EPHA4: variants seen among roughly 807,000 people sequenced by gnomAD.
EPHA4 encodes ephrin type-A receptor 4.
A neutral mutation model predicts 108.3 loss-of-function variants in EPHA4; 19 were observed. That is an observed-to-expected ratio of 0.18 (90% CI 0.12 to 0.26). EPHA4 has a LOEUF of 0.26. EPHA4 is among the 10% of genes least tolerant of loss of function. The pLI is 1.00. For synonymous variants in EPHA4, 449 were observed against 455.5 expected (o/e 0.99, Z 0.18); for missense variants, 917 against 1,254.0 (o/e 0.73, Z 4.06).
At chr2:221,441,197 C>CTT (rs201795751) in intron 11 of EPHA4, among the ~76,000 whole-genome samples, 46 of 132,088 alleles carry the variant, frequency 3.5e-4, no homozygotes, top group African/African-American at 1.0e-3. Flanking sequence ...CTTTTCTTTT[C>CTT]TTTTTTTTTT....
intron 3 of EPHA4, among the ~76,000 whole-genome samples, chr2:221,563,029 G>T (rs1057042633): frequency 6.6e-6 from 1 of 152,150 alleles, no homozygotes; most frequent in Non-Finnish European, 1.5e-5. Context: ...GTCACAATTT[G>T]CTATTGCTTC....
At chr2:221,490,649 G>C (rs1348012962) in intron 4 of EPHA4, among the ~76,000 whole-genome samples, 1 of 152,182 alleles carries the variant, frequency 6.6e-6, no homozygotes, top group Non-Finnish European at 1.5e-5. Flanking sequence ...ACTGTCAATA[G>C]CACTTCAGCG....
chr2:221,479,776 T>C (rs891831726), intron 5 of EPHA4, among the ~76,000 whole-genome samples: 26 of 152,240 alleles, frequency 1.7e-4, no homozygotes, highest in Non-Finnish European at 1.9e-4. Context: ...GCTCTGCACA[T>C]ATACAATTCT....
intron 17 of EPHA4, among the ~76,000 whole-genome samples, chr2:221,423,175 C>T (rs1268399206): frequency 6.6e-6 from 1 of 152,236 alleles, no homozygotes. Flanking sequence ...ATTTCATACA[C>T]ACTTGCAACA....
intron 3 of EPHA4, among the ~76,000 whole-genome samples, chr2:221,524,262 G>C (rs949443539): frequency 6.6e-6 from 1 of 152,180 alleles, no homozygotes; most frequent in Non-Finnish European, 1.5e-5. Flanking sequence ...AACCCATCAG[G>C]TACTGCCTGA....
intron 3 of EPHA4, among the ~76,000 whole-genome samples, chr2:221,546,631 T>G (rs990112055): frequency 7.2e-5 from 11 of 152,126 alleles, no homozygotes; most frequent in African/African-American, 2.7e-4. Context: ...AAAGAGAGAT[T>G]TTTTTGCTTC....
intron 11 of EPHA4, among the ~76,000 whole-genome samples, chr2:221,441,956 C>T (rs565707398): frequency 3.3e-5 from 5 of 152,208 alleles, no homozygotes; most frequent in South Asian, 4.1e-4. Context: ...TACCCTCCTC[C>T]GACTGCTCCC....
chr2:221,545,805 C>CCCT (rs1188727206), intron 3 of EPHA4, among the ~76,000 whole-genome samples: 1 of 152,104 alleles, frequency 6.6e-6, no homozygotes, highest in Non-Finnish European at 1.5e-5. Flanking sequence ...CACAATGTGT[C>CCCT]CCTCTTCTGT....
chr2:221,537,033 A>G (rs1227246144), intron 3 of EPHA4, among the ~76,000 whole-genome samples: 8 of 152,248 alleles, frequency 5.3e-5, no homozygotes, highest in Non-Finnish European at 1.2e-4. Flanking sequence ...AAAGAGAGAG[A>G]GAGAAATCTC....
intron 3 of EPHA4, among the ~76,000 whole-genome samples, chr2:221,523,577 G>A (rs889625755): frequency 6.6e-6 from 1 of 150,948 alleles, no homozygotes; most frequent in Non-Finnish European, 1.5e-5. Flanking sequence ...ATGAGCCACC[G>A]TGCCTGGCCA....
At chr2:221,550,248 C>A (rs921353181) in intron 3 of EPHA4, among the ~76,000 whole-genome samples, 4 of 152,030 alleles carry the variant, frequency 2.6e-5, no homozygotes, top group Admixed American at 2.0e-4. Flanking sequence ...GAGAAAAGTG[C>A]CCCAATTCAA....
At chr2:221,529,563 A>G (rs995665883) in intron 3 of EPHA4, among the ~76,000 whole-genome samples, 1 of 152,226 alleles carries the variant, frequency 6.6e-6, no homozygotes, top group African/African-American at 2.4e-5. Context: ...AATTATTTTG[A>G]CCTAATGCTT....
chr2:221,553,756 AG>A (rs1368903132), intron 3 of EPHA4, among the ~76,000 whole-genome samples: 1 of 152,252 alleles, frequency 6.6e-6, no homozygotes, highest in Non-Finnish European at 1.5e-5. Flanking sequence ...CAAGCTGAAC[AG>A]TATGAAAAAA....
chr2:221,499,750 ATATATATT>A (rs1158449439), intron 4 of EPHA4, among the ~76,000 whole-genome samples: 42 of 46,506 alleles, frequency 9.0e-4, no homozygotes, highest in East Asian at 6.3e-3. Flanking sequence ...ATATATATAT[ATATATATT>A]TTTTTTTTTT....
chr2:221,526,121 T>C (rs934569972), intron 3 of EPHA4, among the ~76,000 whole-genome samples: 1 of 152,236 alleles, frequency 6.6e-6, no homozygotes, highest in Non-Finnish European at 1.5e-5. Context: ...GGAAACACAT[T>C]ATTCCCATTT....
At chr2:221,482,298 A>C in intron 5 of EPHA4, 54 bp downstream of exon 5, 1 of 1,396,234 alleles carries the variant, frequency 7.2e-7, no homozygotes, top group Admixed American at 2.2e-5. Context: ...CATTATTTTA[A>C]GCCTTTTCTC....
chr2:221,435,560 TA>T (rs1436789811), intron 13 of EPHA4, among the ~76,000 whole-genome samples: 1 of 152,056 alleles, frequency 6.6e-6, no homozygotes, highest in Non-Finnish European at 1.5e-5. Flanking sequence ...TGAAGAGTGT[TA>T]AAAGGGGAAA....
chr2:221,523,252 G>A (rs1009210671), intron 3 of EPHA4, among the ~76,000 whole-genome samples: 24 of 151,976 alleles, frequency 1.6e-4, no homozygotes, highest in Non-Finnish European at 3.4e-4. Context: ...TAAGAAGTAG[G>A]GGCTATTTTT....
intron 8 of EPHA4, among the ~76,000 whole-genome samples, chr2:221,453,104 C>T (rs939484291): frequency 9.2e-5 from 14 of 152,162 alleles, no homozygotes; most frequent in Non-Finnish European, 1.8e-4. Context: ...TAAAGCAAAG[C>T]TGGACTACAA....
Sources: gnomAD v4.1 joint callset for allele counts (sites outside exome capture counted in the v4.1 genomes callset) on GRCh38, gnomAD v4.1.1 for gene constraint, MANE v1.5 for transcripts, NCBI Gene and HGNC (gene_info 2026-07-23, HGNC 2026-07-21) for gene names.